Variants in KHDRBS2 observed in about 807,000 individuals in gnomAD.
KHDRBS2 encodes KH RNA binding domain containing, signal transduction associated 2.
Under a neutral mutation model 44.3 loss-of-function variants are expected in KHDRBS2, and 26 were observed. The ratio of observed to expected loss-of-function variants is 0.59; its 90% CI spans 0.43 to 0.81. The LOEUF (loss-of-function observed/expected upper bound fraction) is 0.81, where lower values mean the gene tolerates loss of function less well. KHDRBS2 is among the 40% of genes least tolerant of loss of function. KHDRBS2 has a pLI of 0.00. For synonymous variants in KHDRBS2, 194 were observed against 151.1 expected, an observed-to-expected ratio of 1.28 and a Z score of -2.08; for missense variants, 476 against 433.1, an observed-to-expected ratio of 1.10 and a Z score of -0.88.
chr6:62,250,218 C>T (rs535333667), intron 1 of KHDRBS2, among the ~76,000 whole-genome samples: 2 of 152,172 alleles, frequency 1.3e-5, no homozygotes, highest in African/African-American at 4.8e-5. Context: ...TAATGAAATA[C>T]TGTAATTATA....
intron 2 of KHDRBS2, among the ~76,000 whole-genome samples, chr6:62,139,846 T>C (rs1375708481): frequency 6.6e-6 from 1 of 152,126 alleles, no homozygotes; most frequent in African/African-American, 2.4e-5. Context: ...ACCCAGATTC[T>C]CTACACATGA....
chr6:61,766,327 C>T (rs917192448), intron 6 of KHDRBS2, among the ~76,000 whole-genome samples: 1 of 151,828 alleles, frequency 6.6e-6, no homozygotes, highest in African/African-American at 2.4e-5. Context: ...GTAATGTGTC[C>T]TTTTTCACCT....
chr6:62,217,005 T>C (rs777573063), intron 1 of KHDRBS2, among the ~76,000 whole-genome samples: 7 of 148,658 alleles, frequency 4.7e-5, no homozygotes, highest in Non-Finnish European at 7.5e-5. Context: ...CTTTATATCT[T>C]CTCAGAAAGA....
rs192224167 is a variant in KHDRBS2 at position 62,078,981 on chromosome 6, C to T, written c.220-30987G>A. On this transcript the variant is annotated intron_variant, in intron 2 of 8. Coordinates refer to ENST00000281156, the MANE Select transcript of KHDRBS2 (RefSeq NM_152688.4). ...TCATAATACCTAACTTCTCCAAAGG[C>T]AAACTGCATTCCTTCCTAACTGACT... is the stretch of plus-strand genomic sequence containing the variant. 2.2e-3 allele frequency among the ~76,000 whole-genome samples: 329 copies of T among 152,086 alleles called. 2 individuals are homozygous for T. The highest frequency in any genetic ancestry group is 3.9e-3 in the Non-Finnish European group (263 of 67,912).
At chr6:61,698,484 T>G (rs1316935180) in intron 7 of KHDRBS2, among the ~76,000 whole-genome samples, 1 of 152,156 alleles carries the variant, frequency 6.6e-6, no homozygotes. Context: ...CTATCTCTCA[T>G]TTAAATGAGT....
chr6:62,061,754 T>C (rs1316724414), intron 2 of KHDRBS2, among the ~76,000 whole-genome samples: 1 of 149,490 alleles, frequency 6.7e-6, no homozygotes, highest in Non-Finnish European at 1.5e-5. Context: ...TCCTGGATAA[T>C]ATCCTGCAGA....
chr6:61,955,696 G>A (rs1399570313), intron 4 of KHDRBS2, among the ~76,000 whole-genome samples: 1 of 110,648 alleles, frequency 9.0e-6, no homozygotes, highest in African/African-American at 3.9e-5. Context: ...ATACATATAT[G>A]TGTATATATA....
intron 1 of KHDRBS2, among the ~76,000 whole-genome samples, chr6:62,234,186 T>C (rs1228493027): frequency 2.0e-5 from 3 of 152,142 alleles, no homozygotes; most frequent in Non-Finnish European, 4.4e-5. Context: ...TTTGGAATGA[T>C]CAAGGTAAAA....
intron 4 of KHDRBS2, among the ~76,000 whole-genome samples, chr6:61,918,593 A>T (rs1807458231): frequency 6.6e-6 from 1 of 151,850 alleles, no homozygotes; most frequent in Admixed American, 6.6e-5. Flanking sequence ...CCAGAACCCA[A>T]CTATCTTGGA....
At chr6:61,927,056 G>C (rs1161490381) in intron 4 of KHDRBS2, among the ~76,000 whole-genome samples, 1 of 152,024 alleles carries the variant, frequency 6.6e-6, no homozygotes, top group African/African-American at 2.4e-5. Context: ...TCACTCAGAA[G>C]AAACTGCCTA....
Position 62,025,316 on chromosome 6 carries a change from T to G in KHDRBS2, c.336+22562A>C, listed in dbSNP as rs74775207. Among the ~76,000 whole-genome samples the G allele has an allele frequency of 9.3e-3, 1,411 of 151,884 alleles. 20 individuals carry two copies. Among genetic ancestry groups the G allele is most frequent in the African/African-American group, 0.033 (1,358 of 41,528 alleles). On this transcript the variant is annotated intron_variant, in intron 3 of 8. Coordinates refer to ENST00000281156, the MANE Select transcript of KHDRBS2 (RefSeq NM_152688.4). ...TCCTTCATCACTATTTTTTCAAAATTTATACCGTCACTTCCTTACTACATT... is the reference window on the plus strand; with the variant it reads ...TCCTTCATCACTATTTTTTCAAAATGTATACCGTCACTTCCTTACTACATT...
intron 4 of KHDRBS2, among the ~76,000 whole-genome samples, chr6:61,940,151 T>C (rs1811849419): frequency 6.6e-6 from 1 of 152,014 alleles, no homozygotes; most frequent in Non-Finnish European, 1.5e-5. Flanking sequence ...AATTAAAATA[T>C]ATTTAACGGA....
chr6:61,635,302 G>A, the KHDRBS2 span, among the ~76,000 whole-genome samples: 1 of 151,966 alleles, frequency 6.6e-6, no homozygotes, highest in African/African-American at 2.4e-5. Flanking sequence ...AGAATGACTT[G>A]GGCAAGAATG....
At chr6:61,696,910 G>T (rs1767968776) in intron 8 of KHDRBS2, among the ~76,000 whole-genome samples, 1 of 152,112 alleles carries the variant, frequency 6.6e-6, no homozygotes, top group Non-Finnish European at 1.5e-5. Flanking sequence ...CAATGAGTCA[G>T]ACAATGAACA....
chr6:62,065,122 G>T (rs1432566408), intron 2 of KHDRBS2, among the ~76,000 whole-genome samples: 1 of 151,180 alleles, frequency 6.6e-6, no homozygotes, highest in Non-Finnish European at 1.5e-5. Flanking sequence ...TCATTAAAAA[G>T]TCAGGAAACA....
intron 4 of KHDRBS2, among the ~76,000 whole-genome samples, chr6:61,954,839 TGTATAC>T (rs1562513650): frequency 2.7e-5 from 3 of 111,186 alleles, no homozygotes; most frequent in African/African-American, 6.6e-5. Context: ...TGCATATGTA[TGTATAC>T]ATATGCATGT....
chr6:61,689,304 T>C (rs888371398), intron 8 of KHDRBS2, among the ~76,000 whole-genome samples: 7 of 152,004 alleles, frequency 4.6e-5, no homozygotes, highest in Admixed American at 1.3e-4. Flanking sequence ...ATCATAAGTA[T>C]AGCACTTTCC....
the KHDRBS2 span, among the ~76,000 whole-genome samples, chr6:61,543,380 G>A: frequency 6.6e-6 from 1 of 151,826 alleles, no homozygotes; most frequent in Non-Finnish European, 1.5e-5. Flanking sequence ...ATGATCATTA[G>A]AAAAATGCAA....
intron 2 of KHDRBS2, among the ~76,000 whole-genome samples, chr6:62,083,397 C>A (rs984621742): frequency 6.6e-6 from 1 of 152,170 alleles, no homozygotes. Context: ...CATTTACCAT[C>A]TTCAATTCAT....
Sources: gnomAD v4.1 joint callset for allele counts (sites outside exome capture counted in the v4.1 genomes callset) on GRCh38, gnomAD v4.1.1 for gene constraint, MANE v1.5 for transcripts, NCBI Gene and HGNC (gene_info 2026-07-23, HGNC 2026-07-21) for gene names.